Variants in PLEKHA5 observed in about 807,000 individuals in gnomAD.
The protein encoded by PLEKHA5 is pleckstrin homology domain-containing family A member 5.
A neutral mutation model predicts 181.9 loss-of-function variants in PLEKHA5; 55 were observed. The ratio of observed to expected loss-of-function variants is 0.30; its 90% confidence interval spans 0.24 to 0.38. The LOEUF is 0.38. PLEKHA5 is among the 10% of genes least tolerant of loss of function. The probability of loss-of-function intolerance (pLI) is 1.00; values close to 1 mark genes in which losing one functional copy is unlikely to be tolerated. For synonymous variants in PLEKHA5, 535 were observed against 529.4 expected (o/e 1.01, Z -0.15); for missense variants, 1,432 against 1,549.5 (o/e 0.92, Z 1.27).
rs1050752930 is a variant in PLEKHA5 at position 19,282,586 on chromosome 12, C to T, written c.1314-694C>T. Among the ~76,000 whole-genome samples the T allele has an allele frequency of 1.3e-5, 2 of 152,160 alleles. 1 individual carries two copies. On this transcript the variant is annotated intron_variant, in intron 11 of 31. Transcript: ENST00000429027. ...CTGTCTTTATGCTCTATGGGTATAA[C>T]TCACTTCATATTTCATCCATACATA...
intron 30 of PLEKHA5, among the ~76,000 whole-genome samples, chr12:19,366,436 C>T (rs1035519783): frequency 6.6e-6 from 1 of 152,076 alleles, no homozygotes; most frequent in African/African-American, 2.4e-5. Context: ...AGGTGGACCA[C>T]GAGGTCAGGG....
At chr12:19,287,156 C>T (rs1028342277) in intron 12 of PLEKHA5, among the ~76,000 whole-genome samples, 2 of 151,986 alleles carry the variant, frequency 1.3e-5, no homozygotes, top group Non-Finnish European at 1.5e-5. Flanking sequence ...CGCCACCACA[C>T]CTGGCTAATT....
chr12:19,361,147 A>G (rs923934392), intron 28 of PLEKHA5, among the ~76,000 whole-genome samples: 1 of 152,162 alleles, frequency 6.6e-6, no homozygotes, highest in Non-Finnish European at 1.5e-5. Flanking sequence ...TATTATCAGT[A>G]AATATTTGAT....
At chr12:19,239,889 A>C (rs771604155) in intron 3 of PLEKHA5, among the ~76,000 whole-genome samples, 1 of 152,156 alleles carries the variant, frequency 6.6e-6, no homozygotes, top group African/African-American at 2.4e-5. Flanking sequence ...GTTTATGGTT[A>C]TGAGACTCTT....
intron 15 of PLEKHA5, among the ~76,000 whole-genome samples, chr12:19,306,092 G>C (rs894374436): frequency 6.6e-6 from 1 of 151,744 alleles, no homozygotes; most frequent in East Asian, 1.9e-4. Context: ...AAAAAAACAA[G>C]TTATTCGTAT....
chr12:19,349,368 A>C (rs532907873), intron 25 of PLEKHA5, among the ~76,000 whole-genome samples: 9 of 152,244 alleles, frequency 5.9e-5, no homozygotes, highest in African/African-American at 2.2e-4. Context: ...CTTCCACCTC[A>C]GCCTCCCAAG....
intron 22 of PLEKHA5, among the ~76,000 whole-genome samples, chr12:19,345,169 G>A (rs1469507436): frequency 6.6e-6 from 1 of 151,938 alleles, no homozygotes; most frequent in East Asian, 1.9e-4. Context: ...GGAGGCCAAG[G>A]CGGGCAGATC....
At chr12:19,231,880 C>A (rs1187838578) in intron 3 of PLEKHA5, among the ~76,000 whole-genome samples, 1 of 151,676 alleles carries the variant, frequency 6.6e-6, no homozygotes, top group Non-Finnish European at 1.5e-5. Context: ...TGTAAAGATT[C>A]CATTAAAAGA....
chr12:19,340,410 T>A (rs2093779939), intron 21 of PLEKHA5, among the ~76,000 whole-genome samples: 1 of 137,246 alleles, frequency 7.3e-6, no homozygotes, highest in Non-Finnish European at 1.6e-5. Context: ...GTCCGGGAGG[T>A]GAGGGGCGCC....
At chr12:19,258,247 A>G (rs1592230617) in intron 6 of PLEKHA5, among the ~76,000 whole-genome samples, 2 of 152,068 alleles carry the variant, frequency 1.3e-5, no homozygotes, top group East Asian at 3.9e-4. Context: ...CATAGAGGCT[A>G]TTTACTTCCC....
At chr12:19,152,896 C>A (rs1478694449) in intron 3 of PLEKHA5, 1 of 152,000 alleles carries the variant, frequency 6.6e-6, no homozygotes, top group East Asian at 1.9e-4. Flanking sequence ...ATTTACTCTC[C>A]TACATTGTAG....
At chr12:19,197,217 G>A (rs534491032) in intron 3 of PLEKHA5, among the ~76,000 whole-genome samples, 1 of 152,240 alleles carries the variant, frequency 6.6e-6, no homozygotes, top group African/African-American at 2.4e-5. Context: ...TGGGTTTCAT[G>A]CTGCTTTCAT....
At chr12:19,351,522 T>C (rs187943601) in intron 25 of PLEKHA5, among the ~76,000 whole-genome samples, 1 of 152,206 alleles carries the variant, frequency 6.6e-6, no homozygotes, top group African/African-American at 2.4e-5. Flanking sequence ...TGATTTTGAC[T>C]AACTTCAGAC....
At chr12:19,364,639 A>T (rs1365530289) in intron 29 of PLEKHA5, among the ~76,000 whole-genome samples, 1 of 151,950 alleles carries the variant, frequency 6.6e-6, no homozygotes, top group Non-Finnish European at 1.5e-5. Context: ...GAATGGGTCA[A>T]CCCAATAACC....
intron 15 of PLEKHA5, among the ~76,000 whole-genome samples, chr12:19,304,009 A>G (rs533117343): frequency 1.3e-3 from 188 of 150,218 alleles, no homozygotes; most frequent in Non-Finnish European, 2.4e-3. Context: ...GGGTTTCACC[A>G]TGTTGCCCAT....
chr12:19,325,869 T>C (rs2091971976), intron 20 of PLEKHA5, among the ~76,000 whole-genome samples: 1 of 150,676 alleles, frequency 6.6e-6, no homozygotes, highest in Admixed American at 6.6e-5. Flanking sequence ...TAGCCAGGCA[T>C]GGTGGCGCAT....
chr12:19,205,329 G>A, intron 3 of PLEKHA5: 4 of 976,638 alleles, frequency 4.1e-6, no homozygotes, highest in Non-Finnish European at 4.9e-6. Flanking sequence ...GAGCAGAAAA[G>A]AGATCACGGT....
intron 3 of PLEKHA5, among the ~76,000 whole-genome samples, chr12:19,192,559 C>T (rs556028522): frequency 3.9e-5 from 6 of 152,148 alleles, no homozygotes; most frequent in East Asian, 1.9e-4. Context: ...AAAATTTAGC[C>T]GGGCGTGGTG....
intron 8 of PLEKHA5, among the ~76,000 whole-genome samples, chr12:19,268,050 A>G (rs1456802772): frequency 6.6e-6 from 1 of 152,204 alleles, no homozygotes; most frequent in Non-Finnish European, 1.5e-5. Context: ...GGACGGCCTC[A>G]ATGAGAAGGT....
Sources: gnomAD v4.1 joint callset for allele counts (sites outside exome capture counted in the v4.1 genomes callset) on GRCh38, gnomAD v4.1.1 for gene constraint, MANE v1.5 for transcripts, NCBI Gene and HGNC (gene_info 2026-07-23, HGNC 2026-07-21) for gene names.